The following USP14 variants were observed in gnomAD, a reference collection of about 807,000 sequenced individuals.
The protein encoded by USP14 is ubiquitin carboxyl-terminal hydrolase 14.
Under a neutral mutation model 76.5 loss-of-function variants are expected in USP14, and 38 were observed. That is an observed-to-expected ratio of 0.50 (90% CI 0.38 to 0.65). The LOEUF (loss-of-function observed/expected upper bound fraction) is 0.65, where lower values mean the gene tolerates loss of function less well. Among genes scored for constraint, USP14 ranks in the 30% least tolerant of loss-of-function variants. The pLI is 0.00. For missense variants in USP14, 467 were observed against 586.5 expected (o/e 0.80, Z 2.10); for synonymous variants, 192 against 191.7 (o/e 1.00, Z -0.01).
chr18:158,763 C>T (rs911255228), intron 1 of USP14, 49 bp downstream of exon 1: 19 of 1,443,352 alleles, frequency 1.3e-5, no homozygotes, highest in Non-Finnish European at 1.7e-5. Flanking sequence ...CGGCGCTAGG[C>T]CTCCGCGTAG....
At chr18:161,876 A>G (rs1909129587) in intron 1 of USP14, among the ~76,000 whole-genome samples, 1 of 152,210 alleles carries the variant, frequency 6.6e-6, no homozygotes, top group Non-Finnish European at 1.5e-5. Flanking sequence ...GGTAAAATAT[A>G]TGTAATAAAG....
intron 13 of USP14, among the ~76,000 whole-genome samples, chr18:205,493 G>T (rs1910504919): frequency 6.6e-6 from 1 of 152,120 alleles, no homozygotes; most frequent in Non-Finnish European, 1.5e-5. Context: ...AAGAAAGTTG[G>T]CCAGGCATGG....
chr18:196,470 G>A (rs995386188), intron 6 of USP14, 167 bp from the exon 7 acceptor site: 1 of 554,370 alleles, frequency 1.8e-6, no homozygotes, highest in African/African-American at 2.0e-5. Flanking sequence ...GTTGCGGTGA[G>A]CCGAGATCGC....
intron 5 of USP14, among the ~76,000 whole-genome samples, chr18:187,750 C>G (rs1909972144): frequency 6.6e-6 from 1 of 152,228 alleles, no homozygotes; most frequent in African/African-American, 2.4e-5. Context: ...TATCAGATTT[C>G]CATGGTTCCA....
At chr18:189,920 A>C (rs962589770) in intron 5 of USP14, among the ~76,000 whole-genome samples, 1 of 152,188 alleles carries the variant, frequency 6.6e-6, no homozygotes, top group Admixed American at 6.5e-5. Context: ...AAATCCCCTC[A>C]CAGATCTTAA....
At chr18:201,824 C>T (rs972275420) in intron 10 of USP14, among the ~76,000 whole-genome samples, 4 of 152,146 alleles carry the variant, frequency 2.6e-5, no homozygotes, top group African/African-American at 9.7e-5. Context: ...AATAAGATTT[C>T]ACCAGATATA....
At chr18:173,039 AT>A (rs532532508) in intron 3 of USP14, among the ~76,000 whole-genome samples, 108 of 146,164 alleles carry the variant, frequency 7.4e-4, no homozygotes, top group Non-Finnish European at 9.4e-4. Flanking sequence ...AGTTTACAAG[AT>A]TTTTTTTTTC....
rs940879313 is a variant in USP14, at chr18:213,317, T to C, written c.*2033T>C. ...TATATAAGCCTTGTATGGACTATAT[T>C]AGAATTTTAAAAATTGTAATTAATT... On this transcript the variant is annotated 3_prime_UTR_variant, in exon 16 of 16. Transcript: ENST00000261601. 5.9e-5 allele frequency: 9 copies of C among 151,876 alleles called. 1 individual carries two copies. Among genetic ancestry groups the C allele is most frequent in the African/African-American group, 1.9e-4 (8 of 41,398 alleles). The allele number at this position is 151,876 out of a possible 1,614,324, so 9.4% of individuals were successfully genotyped here.
Position 214,602 on chromosome 18 carries a change from T to C in USP14, c.*3318T>C, listed in dbSNP as rs2143123025. The C allele has an allele frequency of 3.3e-5, 52 of 1,575,916 alleles. No homozygotes were observed. Among genetic ancestry groups the C allele is most frequent in the Non-Finnish European group, 4.5e-5 (52 of 1,160,404 alleles). On this transcript the variant is annotated 3_prime_UTR_variant, in exon 16 of 16. Coordinates refer to ENST00000261601, the MANE Select transcript of USP14 (RefSeq NM_005151.4). ...TTGGTAACAAAATCTATCACAGTTT[T>C]AATAAAAAGAAAAAAAAAAGAAGCT...
chr18:182,785 T>C (rs1384798574), intron 5 of USP14, among the ~76,000 whole-genome samples: 1 of 151,952 alleles, frequency 6.6e-6, no homozygotes, highest in Non-Finnish European at 1.5e-5. Flanking sequence ...AGTGTGAGAG[T>C]GGACTGGAGG....
At chr18:210,596 T>C in intron 15 of USP14, 103 bp downstream of exon 15, 1 of 716,084 alleles carries the variant, frequency 1.4e-6, no homozygotes, top group Non-Finnish European at 2.1e-6. Flanking sequence ...TCAGAACCAC[T>C]TTACATTCTT....
intron 9 of USP14, among the ~76,000 whole-genome samples, chr18:199,000 A>T (rs1249188165): frequency 6.6e-6 from 1 of 152,194 alleles, no homozygotes; most frequent in African/African-American, 2.4e-5. Flanking sequence ...ATACACATTT[A>T]TTACTCATTG....
At position 166,805 on chromosome 18, in the gene USP14, A is replaced by G. The variant is rs1308126192; in HGVS notation, c.181A>G (p.Ile61Val). The G allele has an allele frequency of 1.2e-6, 2 of 1,612,538 alleles. No individual in the cohort carries two copies. The highest frequency in any genetic ancestry group is 1.7e-6 in the Non-Finnish European group (2 of 1,178,886). The change falls in exon 3 of 16, where the codon ATC becomes GTC. Residue 61 changes from isoleucine to valine, a missense_variant. Transcript: ENST00000261601. ...GAAACAGGATGATGATTGGGGAAAC[A>G]TCAAAATAAAAAATGTAAGTATTAT... The part of the protein sequence containing the change: ...GTLKDDDWGN[I>V]KIKNGMTLLM...
intron 3 of USP14, among the ~76,000 whole-genome samples, chr18:175,921 T>C (rs932299348): frequency 6.6e-6 from 1 of 152,190 alleles, no homozygotes; most frequent in African/African-American, 2.4e-5. Context: ...CTTTAATAAA[T>C]GTAGGACTAT....
At chr18:163,501 T>A in intron 2 of USP14, 48 bp downstream of exon 2, 5 of 1,548,322 alleles carry the variant, frequency 3.2e-6, no homozygotes, top group Non-Finnish European at 4.4e-6. Context: ...TTGTATACTT[T>A]TTGAAAAATA....
In USP14 at chr18:164,974, T is replaced by G. The variant is rs576324924; in HGVS notation, c.162+1521T>G. Among the ~76,000 whole-genome samples the G allele has an allele frequency of 7.3e-5, 11 of 151,678 alleles. No individual in the cohort carries two copies. In the East Asian group the frequency reaches 1.2e-3, roughly 16 times the overall value. ...TATTATTATTTTTTTTGGGATTGAG[T>G]CTCCCTCTGTCACTCAGGGGCTGGA... On this transcript the variant is annotated intron_variant, in intron 2 of 15. Transcript: ENST00000261601.
chr18:211,110 A>G (rs764608623), intron 15 of USP14, 23 bp from the exon 16 acceptor site: 9 of 1,602,964 alleles, frequency 5.6e-6, no homozygotes, highest in Admixed American at 1.7e-5. Flanking sequence ...ACATTAATTC[A>G]TCTTCTTGTC....
chr18:193,815 C>T (rs1037297564), intron 6 of USP14, among the ~76,000 whole-genome samples: 3 of 152,170 alleles, frequency 2.0e-5, no homozygotes, highest in Admixed American at 2.0e-4. Context: ...GGACAAGCCA[C>T]ATATCATTTA....
At chr18:201,510 C>T (rs558420658) in intron 10 of USP14, among the ~76,000 whole-genome samples, 8 of 152,262 alleles carry the variant, frequency 5.3e-5, no homozygotes, top group East Asian at 1.9e-4. Flanking sequence ...GAGTGAGTCA[C>T]GCTCTGTCTT....
Sources: gnomAD v4.1 joint callset for allele counts (sites outside exome capture counted in the v4.1 genomes callset) on GRCh38, gnomAD v4.1.1 for gene constraint, MANE v1.5 for transcripts, NCBI Gene and HGNC (gene_info 2026-07-23, HGNC 2026-07-21) for gene names.